The following EIF4G3 variants were observed in gnomAD, a reference collection of about 807,000 sequenced individuals.
The protein encoded by EIF4G3 is eIF-4-gamma 3.
A neutral mutation model predicts 186.4 loss-of-function variants in EIF4G3; 34 were observed. The ratio of observed to expected loss-of-function variants is 0.18; its 90% CI spans 0.14 to 0.24. The LOEUF (loss-of-function observed/expected upper bound fraction) is 0.24, where lower values mean the gene tolerates loss of function less well. Among genes scored for constraint, EIF4G3 ranks in the 10% least tolerant of loss-of-function variants. The probability of loss-of-function intolerance (pLI) is 1.00; values close to 1 mark genes in which losing one functional copy is unlikely to be tolerated. For synonymous variants in EIF4G3, 673 were observed against 679.5 expected, an observed-to-expected ratio of 0.99 and a Z score of 0.15; for missense variants, 1,536 against 1,948.5, an observed-to-expected ratio of 0.79 and a Z score of 3.99.
intron 2 of EIF4G3, among the ~76,000 whole-genome samples, chr1:21,097,285 G>C (rs1215500628): frequency 6.6e-6 from 1 of 152,092 alleles, no homozygotes; most frequent in Non-Finnish European, 1.5e-5. Flanking sequence ...TGCAGCTAAT[G>C]ATCAGACTTG....
chr1:21,083,195 T>C (rs1340876419), intron 3 of EIF4G3, among the ~76,000 whole-genome samples: 3 of 152,016 alleles, frequency 2.0e-5, no homozygotes, highest in Non-Finnish European at 4.4e-5. Flanking sequence ...GAGCTGTAAT[T>C]ATGCCACTAC....
chr1:20,962,783 C>G (rs995313280), intron 12 of EIF4G3, among the ~76,000 whole-genome samples: 1 of 152,084 alleles, frequency 6.6e-6, no homozygotes. Flanking sequence ...GTATTTTAAG[C>G]GGATACTCTC....
At chr1:20,895,246 G>C in intron 17 of EIF4G3, 122 bp downstream of exon 17, 1 of 1,126,272 alleles carries the variant, frequency 8.9e-7, no homozygotes, top group Non-Finnish European at 1.2e-6. Flanking sequence ...TTAAACATTA[G>C]ATATTTTTAC....
intron 15 of EIF4G3, among the ~76,000 whole-genome samples, chr1:20,903,255 G>A (rs530662823): frequency 6.6e-6 from 1 of 152,270 alleles, no homozygotes; most frequent in African/African-American, 2.4e-5. Context: ...AGCTACAGCG[G>A]CAAATTTGAG....
intron 10 of EIF4G3, among the ~76,000 whole-genome samples, chr1:20,975,028 A>C (rs1158519560): frequency 1.3e-5 from 2 of 152,188 alleles, no homozygotes; most frequent in African/African-American, 2.4e-5. Context: ...AGTTGTTGGA[A>C]GCACCATGAT....
At chr1:20,992,532 TACTC>T (rs1374562300) in intron 7 of EIF4G3, among the ~76,000 whole-genome samples, 1 of 152,152 alleles carries the variant, frequency 6.6e-6, no homozygotes, top group East Asian at 1.9e-4. Flanking sequence ...TTATGGCACA[TACTC>T]CTCCTCCTCC....
At chr1:21,027,585 G>A (rs999679639) in intron 4 of EIF4G3, among the ~76,000 whole-genome samples, 47 of 151,744 alleles carry the variant, frequency 3.1e-4, no homozygotes, top group Admixed American at 2.6e-4. Context: ...AGCCGAGATC[G>A]CCCCACTGCA....
At chr1:20,979,424 G>T (rs1189721550) in intron 10 of EIF4G3, among the ~76,000 whole-genome samples, 1 of 152,170 alleles carries the variant, frequency 6.6e-6, no homozygotes, top group Admixed American at 6.5e-5. Flanking sequence ...CACTGTTCTA[G>T]GGGCTGGGGA....
At chr1:20,827,131 CTCTCATCCT>C (rs1486406320) in intron 32 of EIF4G3, among the ~76,000 whole-genome samples, 2 of 152,128 alleles carry the variant, frequency 1.3e-5, no homozygotes, top group African/African-American at 4.8e-5. Context: ...TCTCTCATCC[CTCTCATCCT>C]AGACATTTTA....
Position 21,009,950 on chromosome 1 carries a change from G to C in EIF4G3, c.-66-7142C>G, listed in dbSNP as rs147939178. 6.1e-4 allele frequency among the ~76,000 whole-genome samples: 93 copies of C among 152,012 alleles called. 2 individuals are homozygous for C. In the East Asian group the frequency reaches 0.017, roughly 28 times the overall value. On this transcript the variant is annotated intron_variant, in intron 4 of 36. Transcript: ENST00000602326. ...TTACAGACGTGAGCCACCCCACCCAGCTGAAAACTGTCTTCTTAAGTGCTA... is the reference window on the plus strand; with the variant it reads ...TTACAGACGTGAGCCACCCCACCCACCTGAAAACTGTCTTCTTAAGTGCTA...
intron 14 of EIF4G3, among the ~76,000 whole-genome samples, chr1:20,933,709 G>A (rs2095420283): frequency 6.6e-6 from 1 of 151,954 alleles, no homozygotes; most frequent in Non-Finnish European, 1.5e-5. Flanking sequence ...GACTGGATGG[G>A]AAAAAAGGGG....
At position 20,853,380 on chromosome 1, in the gene EIF4G3, A is replaced by AT. The variant is rs1465096015; in HGVS notation, c.3551+179dup. 2.0e-5 allele frequency among the ~76,000 whole-genome samples: 3 copies of AT among 152,148 alleles called. No homozygotes were observed. The East Asian group carries it at 5.8e-4, about 29-fold the overall frequency. ...TCCCTTCCCTCCCATCCCATCCCAA[A>AT]TTCACCACCCAATTATGTTCCTATC... On this transcript the variant is annotated intron_variant, in intron 27 of 36. Coordinates refer to ENST00000602326, the MANE Select transcript of EIF4G3 (RefSeq NM_001391906.1).
At chr1:20,931,437 C>T (rs1294894935) in intron 14 of EIF4G3, among the ~76,000 whole-genome samples, 1 of 152,100 alleles carries the variant, frequency 6.6e-6, no homozygotes, top group East Asian at 1.9e-4. Flanking sequence ...ATCATCCAGG[C>T]TTTGTGGCTC....
In EIF4G3 at chr1:20,860,517, A is replaced by T. The variant is rs564405901; in HGVS notation, c.3112T>A (p.Cys1038Ser). ...MLQDVIDLRL[C>S]NWVSRRADQG... ...TCTGCTCTTCGAGATACCCAATTGC[A>T]CTATAAAAGCAGAAAATAAGGTTAT... The change falls in exon 24 of 37, where the codon TGC becomes AGC. Residue 1038 changes from cysteine to serine, a missense_variant and splice_region_variant. By Grantham distance (112) the Cys-to-Ser change is moderately radical. Transcript: ENST00000602326. The T allele has an allele frequency of 1.8e-5, 29 of 1,613,030 alleles. No individual in the cohort carries two copies. The highest frequency in any genetic ancestry group is 2.4e-5 in the Non-Finnish European group (28 of 1,179,726).
In EIF4G3 at chr1:21,173,624, G is replaced by A. The variant is rs561587837; in HGVS notation, c.-272+2551C>T. Among the ~76,000 whole-genome samples the A allele has an allele frequency of 1.9e-3, 289 of 152,196 alleles. 1 individual carries two copies. The highest frequency in any genetic ancestry group is 6.8e-3 in the African/African-American group (283 of 41,534). The stretch of plus-strand genomic sequence containing the variant: ...AATGGCTGGAATCCAGCCGGCGTAG[G>A]TTGCAGTGAGCCGAGATTACACCAC... On this transcript the variant is annotated intron_variant, in intron 2 of 36. Coordinates refer to ENST00000602326, the MANE Select transcript of EIF4G3 (RefSeq NM_001391906.1).
Position 20,817,422 on chromosome 1 carries a change from C to G in EIF4G3, c.4485G>C (p.Ala1495=). The change falls in exon 34 of 37, where the codon GCG becomes GCC. Residue 1495 remains alanine (A), a synonymous_variant. Transcript: ENST00000602326. ...CCCAGTCAAAGATCTGTTCATCATT[C>G]GCTTTGTCCTCAATAATGAGTTTCT... ...RLEKLIIEDK[A]NDEQIFDWVE... 1 of 1,603,682 alleles carries G rather than the reference C, an allele frequency of 6.2e-7. No individual in the cohort carries two copies. Among genetic ancestry groups the G allele is most frequent in the Non-Finnish European group, 8.5e-7 (1 of 1,173,952 alleles).
At chr1:20,982,507 A>C (rs1558558809) in intron 7 of EIF4G3, 99 bp from the exon 8 acceptor site, 1 of 747,348 alleles carries the variant, frequency 1.3e-6, no homozygotes, top group Non-Finnish European at 2.0e-6. Flanking sequence ...ATGCAGCTCA[A>C]CAAAAATATC....
In EIF4G3 at chr1:20,892,449, C is replaced by T. The variant is rs114294950; in HGVS notation, c.2253+1068G>A. 4.1e-3 allele frequency among the ~76,000 whole-genome samples: 626 copies of T among 152,340 alleles called. 7 individuals carry two copies. The highest frequency in any genetic ancestry group is 0.014 in the African/African-American group (588 of 41,582). On this transcript the variant is annotated intron_variant, in intron 18 of 36. Coordinates refer to ENST00000602326, the MANE Select transcript of EIF4G3 (RefSeq NM_001391906.1). ...GATGCCACTTCCACCGCTGAAAGAG[C>T]CTGCCACTGGGGGTGTAATGGCAAT...
chr1:20,998,667 TG>T (rs2154568602), intron 6 of EIF4G3, among the ~76,000 whole-genome samples: 1 of 152,240 alleles, frequency 6.6e-6, no homozygotes, highest in South Asian at 2.1e-4. Context: ...ACAAAAATAT[TG>T]GGGTATGTAG....
Sources: allele counts gnomAD v4.1 joint callset (sites outside exome capture counted in the v4.1 genomes callset), GRCh38; gene constraint gnomAD v4.1.1; transcripts MANE v1.5; gene names NCBI Gene and HGNC (gene_info 2026-07-23, HGNC 2026-07-21).